Variants in PI4KA observed in about 807,000 individuals in gnomAD.
PI4KA encodes the protein PI4-kinase alpha.
Under a neutral mutation model 271.4 loss-of-function variants are expected in PI4KA, and 122 were observed. The ratio of observed to expected loss-of-function variants is 0.45; its 90% CI spans 0.39 to 0.52. The LOEUF (loss-of-function observed/expected upper bound fraction) is 0.52. Ranked by LOEUF, PI4KA falls within the 20% of genes least tolerant of loss-of-function variation. The pLI is 0.00. For missense variants in PI4KA, 1,969 were observed against 2,769.1 expected (o/e 0.71, Z 6.48); for synonymous variants, 1,041 against 1,078.8 (o/e 0.96, Z 0.69).
intron 23 of PI4KA, among the ~76,000 whole-genome samples, chr22:20,755,210 A>G (rs573017893): frequency 1.3e-5 from 2 of 152,324 alleles, no homozygotes; most frequent in East Asian, 1.9e-4. Flanking sequence ...GTTGGGTTAT[A>G]ATCCAATACC....
At chr22:20,727,674 A>G in intron 40 of PI4KA, 100 bp downstream of exon 40, 1 of 895,082 alleles carries the variant, frequency 1.1e-6, no homozygotes. Context: ...GAAGTTGCCA[A>G]GCGGCTGTTT....
At chr22:20,776,290 C>T (rs1933265088) in intron 19 of PI4KA, among the ~76,000 whole-genome samples, 1 of 152,126 alleles carries the variant, frequency 6.6e-6, no homozygotes, top group Admixed American at 6.5e-5. Flanking sequence ...TGCCACTGCA[C>T]TCCAGCCTGG....
chr22:20,726,973 C>T (rs1043994327), intron 41 of PI4KA, among the ~76,000 whole-genome samples: 8 of 152,074 alleles, frequency 5.3e-5, no homozygotes, highest in Non-Finnish European at 1.2e-4. Context: ...GCTGCCGCGC[C>T]GCCTCGTAAT....
chr22:20,850,792 G>A (rs1926869777), intron 1 of PI4KA, among the ~76,000 whole-genome samples: 1 of 152,096 alleles, frequency 6.6e-6, no homozygotes, highest in African/African-American at 2.4e-5. Flanking sequence ...TATAATCTCA[G>A]CACTTTGAGA....
chr22:20,826,336 G>A (rs1439685291), intron 3 of PI4KA, among the ~76,000 whole-genome samples: 1 of 151,846 alleles, frequency 6.6e-6, no homozygotes, highest in Non-Finnish European at 1.5e-5. Flanking sequence ...GAGCGAGATC[G>A]TCTCAAAAAA....
At chr22:20,853,065 C>T (rs184352962) in intron 1 of PI4KA, among the ~76,000 whole-genome samples, 146 of 152,264 alleles carry the variant, frequency 9.6e-4, no homozygotes, top group African/African-American at 3.2e-3. Flanking sequence ...GGTGAGACTC[C>T]GTCTCTATTT....
chr22:20,720,012 C>A (rs568400444), intron 43 of PI4KA, among the ~76,000 whole-genome samples: 52 of 103,948 alleles, frequency 5.0e-4, no homozygotes, highest in African/African-American at 2.0e-3. Flanking sequence ...GGCGACTAAT[C>A]AAGACTCTGT....
intron 39 of PI4KA, among the ~76,000 whole-genome samples, chr22:20,728,143 G>A (rs1003429758): frequency 3.3e-5 from 5 of 152,160 alleles, no homozygotes; most frequent in African/African-American, 7.2e-5. Context: ...AATGCTTGAG[G>A]GGATGGATAC....
intron 43 of PI4KA, among the ~76,000 whole-genome samples, chr22:20,720,040 A>C (rs1201147295): frequency 2.0e-5 from 3 of 150,512 alleles, no homozygotes; most frequent in Non-Finnish European, 3.0e-5. Flanking sequence ...AAAAAAAAAA[A>C]AAAAAAAAAA....
chr22:20,730,043 G>A (rs376834610), intron 36 of PI4KA, 32 bp from the exon 37 acceptor site: 29 of 1,607,362 alleles, frequency 1.8e-5, no homozygotes, highest in African/African-American at 2.7e-5. Flanking sequence ...ATTCTAGAGT[G>A]AGGTGGCTCA....
At chr22:20,805,349 T>C (rs956650502) in intron 10 of PI4KA, among the ~76,000 whole-genome samples, 184 bp from the exon 11 acceptor site, 3 of 152,158 alleles carry the variant, frequency 2.0e-5, no homozygotes, top group Non-Finnish European at 4.4e-5. Context: ...ACAGCTGTCC[T>C]CCACGTGCAC....
chr22:20,779,072 C>T (rs1040255837), intron 19 of PI4KA: 18 of 1,021,684 alleles, frequency 1.8e-5, no homozygotes, highest in Middle Eastern at 3.3e-4. Context: ...GGATTTTCAT[C>T]AAGGGGCCCA....
chr22:20,793,094 A>G, intron 19 of PI4KA, 99 bp downstream of exon 19: 1 of 790,294 alleles, frequency 1.3e-6, no homozygotes, highest in Non-Finnish European at 2.3e-6. Context: ...GGGCCTCAAC[A>G]CTGCACCTTT....
intron 2 of PI4KA, among the ~76,000 whole-genome samples, chr22:20,838,195 GATATT>G (rs1453506984): frequency 6.6e-6 from 1 of 151,068 alleles, no homozygotes; most frequent in East Asian, 1.9e-4. Flanking sequence ...TGAAAAAGAT[GATATT>G]ATATCAAAAT....
rs1311279949 is a variant in PI4KA at position 20,820,686 on chromosome 22, T to C, written c.457-75A>G. The stretch of plus-strand genomic sequence containing the variant: ...AAATATCACGAAACTAAGTCAGAAT[T>C]AGAAGGCACTTCAGACATTATCTTA... On this transcript the variant is annotated intron_variant, in intron 4 of 54. Transcript: ENST00000255882. 6 of 1,015,578 alleles carry C rather than the reference T, an allele frequency of 5.9e-6. No homozygotes were observed. In the African/African-American group the frequency reaches 8.1e-5, roughly 14 times the overall value. 62.9% of individuals were successfully genotyped at this position (1,015,578 alleles called of 1,614,324 possible).
intron 47 of PI4KA, 84 bp from the exon 48 acceptor site, chr22:20,713,474 C>T: frequency 9.6e-7 from 1 of 1,041,458 alleles, no homozygotes; most frequent in South Asian, 1.4e-5. Flanking sequence ...CTCTCACATG[C>T]CTGAAAGGAA....
At chr22:20,842,125 T>C (rs533642304) in intron 1 of PI4KA, among the ~76,000 whole-genome samples, 7 of 152,010 alleles carry the variant, frequency 4.6e-5, no homozygotes, top group Admixed American at 6.5e-5. Flanking sequence ...CTACTCGGGA[T>C]GCTGAGGCAG....
chr22:20,767,673 C>T (rs926258910), intron 19 of PI4KA, among the ~76,000 whole-genome samples: 14 of 150,240 alleles, frequency 9.3e-5, no homozygotes, highest in African/African-American at 2.7e-4. Context: ...CTTGCTCTGT[C>T]GCCCAGGCTG....
chr22:20,731,044 T>C (rs181801125), intron 36 of PI4KA, among the ~76,000 whole-genome samples: 281 of 152,210 alleles, frequency 1.8e-3, no homozygotes, highest in Middle Eastern at 3.4e-3. Flanking sequence ...CCAGGGGACC[T>C]GGCATGTGTC....
Sources: gnomAD v4.1 joint callset for allele counts (sites outside exome capture counted in the v4.1 genomes callset) on GRCh38, gnomAD v4.1.1 for gene constraint, MANE v1.5 for transcripts, NCBI Gene and HGNC (gene_info 2026-07-23, HGNC 2026-07-21) for gene names.